RBMS3: variants seen among roughly 807,000 people sequenced by gnomAD.
The protein encoded by RBMS3 is RNA binding motif single stranded interacting protein 3.
A neutral mutation model predicts 66.8 loss-of-function variants in RBMS3; 27 were observed. The ratio of observed to expected loss-of-function variants is 0.40; its 90% CI spans 0.30 to 0.56. RBMS3 has a LOEUF of 0.56. Among genes scored for constraint, RBMS3 ranks in the 20% least tolerant of loss-of-function variants. The pLI is 0.40. For synonymous variants in RBMS3, 188 were observed against 183.0 expected (o/e 1.03, Z -0.22); for missense variants, 513 against 549.5 (o/e 0.93, Z 0.66).
At chr3:29,876,857 A>G (rs1441903186) in intron 7 of RBMS3, among the ~76,000 whole-genome samples, 3 of 152,028 alleles carry the variant, frequency 2.0e-5, no homozygotes, top group Non-Finnish European at 2.9e-5. Context: ...GGAGACCAAC[A>G]GGTACAAAGG....
chr3:29,547,324 A>T (rs1038420619), intron 3 of RBMS3, among the ~76,000 whole-genome samples: 2 of 152,176 alleles, frequency 1.3e-5, no homozygotes, highest in African/African-American at 4.8e-5. Context: ...TGTGGGTGAC[A>T]ATTATAATTA....
chr3:29,742,229 T>C (rs1432834030), intron 5 of RBMS3, among the ~76,000 whole-genome samples: 1 of 152,218 alleles, frequency 6.6e-6, no homozygotes, highest in Non-Finnish European at 1.5e-5. Flanking sequence ...TATTTTTCTT[T>C]AGGAACTGAG....
At chr3:29,859,570 A>G (rs1044166915) in intron 6 of RBMS3, among the ~76,000 whole-genome samples, 3 of 152,232 alleles carry the variant, frequency 2.0e-5, no homozygotes, top group African/African-American at 4.8e-5. Flanking sequence ...AGAAAATTGT[A>G]TAGTTATATG....
At chr3:29,925,724 C>T (rs2060920275) in intron 10 of RBMS3, among the ~76,000 whole-genome samples, 1 of 152,118 alleles carries the variant, frequency 6.6e-6, no homozygotes, top group Admixed American at 6.6e-5. Flanking sequence ...GTGAATATAA[C>T]TCACCTGGGG....
intron 3 of RBMS3, among the ~76,000 whole-genome samples, chr3:29,509,047 GT>G (rs796296067): frequency 5.0e-4 from 72 of 145,182 alleles, no homozygotes; most frequent in Middle Eastern, 3.6e-3. Flanking sequence ...GATGGGGTTG[GT>G]TTTTTTTTTT....
At chr3:29,666,180 T>A (rs2050748561) in intron 4 of RBMS3, among the ~76,000 whole-genome samples, 1 of 152,234 alleles carries the variant, frequency 6.6e-6, no homozygotes, top group South Asian at 2.1e-4. Context: ...ACTTGATAAG[T>A]TGACCACCCT....
intron 4 of RBMS3, among the ~76,000 whole-genome samples, chr3:29,596,564 T>C (rs2047949365): frequency 6.6e-6 from 1 of 152,210 alleles, no homozygotes. Flanking sequence ...ATTCCAATTG[T>C]ACAGGTGAAA....
chr3:29,312,091 G>A (rs2034413065), intron 1 of RBMS3, among the ~76,000 whole-genome samples: 1 of 151,738 alleles, frequency 6.6e-6, no homozygotes, highest in African/African-American at 2.4e-5. Context: ...TATACTAAGG[G>A]ATTTGAGAAG....
intron 3 of RBMS3, among the ~76,000 whole-genome samples, chr3:29,524,360 G>A (rs1018689324): frequency 1.4e-5 from 2 of 144,002 alleles, no homozygotes; most frequent in Non-Finnish European, 1.5e-5. Context: ...TGTACACACT[G>A]TACACTGATT....
chr3:30,001,884 C>T (rs933784046), intron 14 of RBMS3, among the ~76,000 whole-genome samples: 23 of 151,218 alleles, frequency 1.5e-4, no homozygotes, highest in African/African-American at 5.1e-4. Context: ...AAATTAAAAC[C>T]CTTCTGTTTT....
At chr3:29,942,089 C>T (rs556601533) in intron 11 of RBMS3, among the ~76,000 whole-genome samples, 64 of 151,818 alleles carry the variant, frequency 4.2e-4, no homozygotes, top group Admixed American at 3.2e-3. Flanking sequence ...ATATTTGACA[C>T]GGTGTTCTTT....
intron 11 of RBMS3, among the ~76,000 whole-genome samples, chr3:29,936,940 A>T (rs1403566055): frequency 6.6e-6 from 1 of 152,130 alleles, no homozygotes; most frequent in African/African-American, 2.4e-5. Flanking sequence ...AAACTTCATT[A>T]GTTGCCATTA....
chr3:29,920,606 AT>A (rs1293246197), intron 10 of RBMS3, among the ~76,000 whole-genome samples: 2 of 151,990 alleles, frequency 1.3e-5, no homozygotes, highest in African/African-American at 2.4e-5. Context: ...TTGGAATATA[AT>A]TTTTTTTAAC....
intron 1 of RBMS3, among the ~76,000 whole-genome samples, chr3:29,342,592 T>C (rs2036338800): frequency 6.6e-6 from 1 of 152,140 alleles, no homozygotes; most frequent in Non-Finnish European, 1.5e-5. Flanking sequence ...ATGGATAACA[T>C]ATAGTATAAC....
At chr3:29,683,400 C>A (rs1304756983) in intron 4 of RBMS3, among the ~76,000 whole-genome samples, 1 of 152,154 alleles carries the variant, frequency 6.6e-6, no homozygotes, top group Non-Finnish European at 1.5e-5. Flanking sequence ...ATAAAGATTG[C>A]ATCCATAAAT....
At chr3:29,789,443 T>C (rs1192655164) in intron 6 of RBMS3, among the ~76,000 whole-genome samples, 1 of 152,120 alleles carries the variant, frequency 6.6e-6, no homozygotes, top group African/African-American at 2.4e-5. Flanking sequence ...TAAAATTTCC[T>C]GATGGTTAAT....
At chr3:29,366,295 C>T (rs1158925294) in intron 1 of RBMS3, among the ~76,000 whole-genome samples, 1 of 152,168 alleles carries the variant, frequency 6.6e-6, no homozygotes, top group Non-Finnish European at 1.5e-5. Context: ...ATTACCCAAA[C>T]ACATAGATCT....
At chr3:29,612,962 G>A (rs981829968) in intron 4 of RBMS3, among the ~76,000 whole-genome samples, 4 of 152,164 alleles carry the variant, frequency 2.6e-5, no homozygotes, top group East Asian at 3.9e-4. Flanking sequence ...CATGAAATAA[G>A]GAATTTGGAT....
chr3:29,300,398 C>A (rs2033593489), intron 1 of RBMS3, among the ~76,000 whole-genome samples: 1 of 151,854 alleles, frequency 6.6e-6, no homozygotes. Context: ...AGATTATAAG[C>A]AATCTAACTG....
Sources: allele counts gnomAD v4.1 joint callset (sites outside exome capture counted in the v4.1 genomes callset), GRCh38; gene constraint gnomAD v4.1.1; transcripts MANE v1.5; gene names NCBI Gene and HGNC (gene_info 2026-07-23, HGNC 2026-07-21).